The following WDR1 variants were observed in gnomAD, a reference collection of about 807,000 sequenced individuals.
WDR1 encodes WD repeat-containing protein 1.
In WDR1, 21 loss-of-function variants were observed where a neutral mutation model predicts 71.9. The observed-to-expected ratio is 0.29, with a 90% CI of 0.21 to 0.42. The LOEUF (loss-of-function observed/expected upper bound fraction) is 0.42, where lower values mean the gene tolerates loss of function less well. Among genes scored for constraint, WDR1 ranks in the 10% least tolerant of loss-of-function variants. The pLI is 1.00. For missense variants in WDR1, 696 were observed against 824.5 expected (o/e 0.84, Z 1.91); for synonymous variants, 424 against 347.4 (o/e 1.22, Z -2.45).
chr4:10,085,275 G>C (rs1230432569), intron 8 of WDR1, among the ~76,000 whole-genome samples: 1 of 152,252 alleles, frequency 6.6e-6, no homozygotes, highest in Admixed American at 6.5e-5. Context: ...TTTTCCGCAG[G>C]AATTCTTGAT....
chr4:10,116,177 C>T lies in WDR1; in HGVS notation c.74G>A (p.Gly25Asp). Residue 25 changes from glycine (G) to aspartate (D), a missense_variant, in exon 2 of 15, where the codon GGC (glycine) becomes GAC (aspartate). Transcript: ENST00000499869. ...VERGVSKIIG[G>D]DPKGNNFLYT... ...CAGAAAATTGTTGCCCTTAGGGTCG[C>T]CGCCGATGATCTTGGAGACGCCCCT... is the stretch of plus-strand genomic sequence containing the variant. 3 of 1,613,760 alleles carry T rather than the reference C, an allele frequency of 1.9e-6. No homozygotes were observed. The highest frequency in any genetic ancestry group is 2.5e-6 in the Non-Finnish European group (3 of 1,179,818).
chr4:10,092,018 C>G (rs577574202), intron 5 of WDR1: 3 of 152,326 alleles, frequency 2.0e-5, no homozygotes, highest in Admixed American at 6.5e-5. Flanking sequence ...AACCACAGCT[C>G]GAATCCTAGA....
chr4:10,095,795 G>A (rs1300080355), intron 5 of WDR1: 5 of 152,262 alleles, frequency 3.3e-5, no homozygotes, highest in Admixed American at 6.5e-5. Flanking sequence ...CCCTGTTTCC[G>A]GGAGGGCCCA....
intron 2 of WDR1, among the ~76,000 whole-genome samples, chr4:10,113,645 T>C (rs1233061700): frequency 1.3e-5 from 2 of 152,190 alleles, no homozygotes; most frequent in African/African-American, 4.8e-5. Flanking sequence ...TGTTTGGTTT[T>C]CGGGAGTCTG....
chr4:10,093,240 A>C (rs1384841148), intron 5 of WDR1: 1 of 963,066 alleles, frequency 1.0e-6, no homozygotes, highest in Non-Finnish European at 1.4e-6. Context: ...CCTGTACACA[A>C]GAGGACCACA....
chr4:10,086,726 G>C (rs113006337), intron 8 of WDR1, among the ~76,000 whole-genome samples: 1 of 152,332 alleles, frequency 6.6e-6, no homozygotes, highest in Non-Finnish European at 1.5e-5. Flanking sequence ...TTGTCTCCCC[G>C]AGTGGCTTAA....
intron 8 of WDR1, among the ~76,000 whole-genome samples, chr4:10,086,549 C>T (rs1031792054): frequency 6.0e-5 from 9 of 150,462 alleles, no homozygotes; most frequent in African/African-American, 1.7e-4. Context: ...TCCTAGAAGC[C>T]GTGGTGTGAA....
chr4:10,079,038 C>CCCTTCG (rs747515945), intron 11 of WDR1, 37 bp from the exon 12 acceptor site: 211 of 1,532,744 alleles, frequency 1.4e-4, no homozygotes, highest in Non-Finnish European at 1.8e-4. Context: ...GGCGGTCCAG[C>CCCTTCG]CCTTCGGGAC....
rs1764773260 is a variant in WDR1 at position 10,075,686 on chromosome 4, T to C, written c.1715-202A>G. On this transcript the variant is annotated intron_variant, in intron 14 of 14. Transcript: ENST00000499869. ...GACACTCCTGAACCCCGGGGCCGGG[T>C]ACCTCTTTTTTGTGTGCTGCAGGGT... is the stretch of plus-strand genomic sequence containing the variant. The C allele has an allele frequency of 2.0e-5, 12 of 597,880 alleles. No homozygotes were observed. The South Asian group carries it at 2.4e-4, about 12-fold the overall frequency. 37.0% of individuals were successfully genotyped at this position (597,880 alleles called of 1,614,324 possible).
In WDR1 at chr4:10,077,355, T is replaced by A; in HGVS notation, c.1663A>T (p.Met555Leu). Reference protein sequence around the residue: ...EHFASGGMDMMVYVWTLSDPE... With the variant: ...EHFASGGMDMLVYVWTLSDPE... The stretch of plus-strand genomic sequence containing the variant: ...TCACTCAGGGTCCAAACATACACCA[T>A]CATGTCCATGCCACCGGAGGCAAAG... The change falls in exon 14 of 15, where the codon ATG becomes TTG. Residue 555 changes from methionine to leucine, a missense_variant. Physicochemically the swap from Met to Leu is conservative, Grantham distance 15. Transcript: ENST00000499869. 1 of 1,613,988 alleles carries A rather than the reference T, an allele frequency of 6.2e-7. No individual in the cohort carries two copies. Among genetic ancestry groups the A allele is most frequent in the Non-Finnish European group, 8.5e-7 (1 of 1,179,864 alleles).
chr4:10,099,170 G>GGGGT, intron 3 of WDR1, 31 bp from the exon 4 acceptor site: 6 of 801,998 alleles, frequency 7.5e-6, no homozygotes, highest in Non-Finnish European at 1.2e-5. Context: ...GGGAGGGGGG[G>GGGGT]AGGCGGTGGT....
intron 3 of WDR1, 46 bp from the exon 4 acceptor site, chr4:10,099,185 T>C (rs761598245): frequency 2.8e-6 from 1 of 353,400 alleles, no homozygotes; most frequent in South Asian, 2.4e-5. Context: ...GGTGGTGGGG[T>C]AAAGGGCAGG....
At chr4:10,094,185 C>A (rs902422933) in intron 5 of WDR1, among the ~76,000 whole-genome samples, 3 of 152,216 alleles carry the variant, frequency 2.0e-5, no homozygotes, top group African/African-American at 7.2e-5. Flanking sequence ...GCTGAGCCCC[C>A]AGGACGACAT....
At chr4:10,114,640 C>G (rs1713598507) in intron 2 of WDR1, among the ~76,000 whole-genome samples, 1 of 152,228 alleles carries the variant, frequency 6.6e-6, no homozygotes, top group Admixed American at 6.5e-5. Flanking sequence ...CTAAATATCT[C>G]TTTAGGGTTG....
intron 4 of WDR1, 135 bp downstream of exon 4, chr4:10,098,857 C>G (rs574985779): frequency 1.5e-6 from 2 of 1,305,416 alleles, no homozygotes; most frequent in South Asian, 2.7e-5. Flanking sequence ...TCACGGGGCC[C>G]GGCACCTACT....
At chr4:10,085,665 G>A (rs1203656106) in intron 8 of WDR1, among the ~76,000 whole-genome samples, 3 of 152,326 alleles carry the variant, frequency 2.0e-5, no homozygotes, top group South Asian at 2.1e-4. Context: ...AGATGCCCAC[G>A]GGTGTTCCTT....
intron 3 of WDR1, among the ~76,000 whole-genome samples, chr4:10,102,738 G>A (rs1012135058): frequency 3.9e-5 from 6 of 152,178 alleles, no homozygotes; most frequent in African/African-American, 1.4e-4. Context: ...AGGCTGCTGT[G>A]CACACGCAGG....
chr4:10,086,641 T>G (rs1018018322), intron 8 of WDR1, among the ~76,000 whole-genome samples: 1 of 152,154 alleles, frequency 6.6e-6, no homozygotes, highest in Non-Finnish European at 1.5e-5. Context: ...CCTGCAGGGT[T>G]CAGACCCTCT....
In WDR1 at chr4:10,078,830, C is replaced by A. The variant is rs551051542; in HGVS notation, c.1395+61G>T. 177 of 1,446,192 alleles carry A rather than the reference C, an allele frequency of 1.2e-4. 2 individuals are homozygous for A. The Admixed American group carries it at 2.7e-3, about 22-fold the overall frequency. 89.6% of individuals were successfully genotyped at this position (1,446,192 alleles called of 1,614,324 possible). On this transcript the variant is annotated intron_variant, in intron 12 of 14. Coordinates refer to ENST00000499869, the MANE Select transcript of WDR1 (RefSeq NM_017491.5). ...AGCCCCGGTACTCACACAGCTCACA[C>A]TGTCCCCAAATCACCCAGATACCAA...
Sources: gnomAD v4.1 joint callset for allele counts (sites outside exome capture counted in the v4.1 genomes callset) on GRCh38, gnomAD v4.1.1 for gene constraint, MANE v1.5 for transcripts, NCBI Gene and HGNC (gene_info 2026-07-23, HGNC 2026-07-21) for gene names.